Variants in ZNF407 observed in about 807,000 individuals in gnomAD.
ZNF407 encodes the protein zinc finger protein 407.
ZNF407 carries 17 observed loss-of-function variants against 131.2 expected under a neutral mutation model. The ratio of observed to expected loss-of-function variants is 0.13; its 90% CI spans 0.09 to 0.19. ZNF407 has a LOEUF of 0.19. Among genes scored for constraint, ZNF407 ranks in the 10% least tolerant of loss-of-function variants. The pLI, the probability that ZNF407 is intolerant of heterozygous loss-of-function variation, is 1.00. For missense variants in ZNF407, 2,681 were observed against 2,830.6 expected (o/e 0.95, Z 1.20); for synonymous variants, 1,156 against 1,062.0 (o/e 1.09, Z -1.72).
intron 8 of ZNF407, among the ~76,000 whole-genome samples, chr18:74,961,746 C>T (rs1972348118): frequency 6.6e-6 from 1 of 151,862 alleles, no homozygotes; most frequent in African/African-American, 2.4e-5. Flanking sequence ...TGCAAAGTGC[C>T]CAGATAATTG....
chr18:75,061,596 G>C (rs1396662402), intron 8 of ZNF407: 1 of 152,348 alleles, frequency 6.6e-6, no homozygotes, highest in Non-Finnish European at 1.5e-5. Context: ...ATAGATGACA[G>C]CCGAAGCCCC....
chr18:74,694,444 T>C (rs1332140203), intron 3 of ZNF407, among the ~76,000 whole-genome samples: 1 of 151,478 alleles, frequency 6.6e-6, no homozygotes, highest in Non-Finnish European at 1.5e-5. Flanking sequence ...TCTTCTTTTT[T>C]TCTTTTTCCT....
In ZNF407 at chr18:74,650,563, G is replaced by A. The variant is rs557078907; in HGVS notation, c.4802+9441G>A. Among the ~76,000 whole-genome samples the A allele has an allele frequency of 2.6e-5, 4 of 152,218 alleles. No homozygotes were observed. In the East Asian group the frequency reaches 7.7e-4, roughly 29 times the overall value. ...GTTAGTCACTCTTTCTAGGTAGTTT[G>A]GTTGACAGGGGTCTGCACTTGGTCA... On this transcript the variant is annotated intron_variant, in intron 3 of 8. Coordinates refer to ENST00000299687, the MANE Select transcript of ZNF407 (RefSeq NM_017757.3).
intron 3 of ZNF407, among the ~76,000 whole-genome samples, chr18:74,697,107 A>G (rs960132970): frequency 6.6e-6 from 1 of 152,170 alleles, no homozygotes; most frequent in Non-Finnish European, 1.5e-5. Context: ...TCAGTGTAGC[A>G]CTTACTGTAA....
intron 8 of ZNF407, among the ~76,000 whole-genome samples, chr18:74,955,244 C>T (rs1018979451): frequency 6.6e-6 from 1 of 151,898 alleles, no homozygotes; most frequent in Non-Finnish European, 1.5e-5. Context: ...TTTACACAGG[C>T]ACATCTCGGG....
chr18:74,973,555 T>G (rs940555866), intron 8 of ZNF407, among the ~76,000 whole-genome samples: 2 of 152,188 alleles, frequency 1.3e-5, no homozygotes, highest in Non-Finnish European at 2.9e-5. Context: ...ACATCTCCAG[T>G]TTTATAATTA....
intron 8 of ZNF407, among the ~76,000 whole-genome samples, chr18:74,962,606 A>C (rs1369670328): frequency 1.3e-5 from 2 of 152,164 alleles, no homozygotes; most frequent in Non-Finnish European, 2.9e-5. Context: ...CTACGGGTAT[A>C]CGCCAAATAT....
intron 3 of ZNF407, among the ~76,000 whole-genome samples, chr18:74,750,302 A>G (rs1282076890): frequency 1.3e-5 from 2 of 152,182 alleles, no homozygotes; most frequent in Non-Finnish European, 2.9e-5. Flanking sequence ...TTTGTCGCTC[A>G]TTTTACTGAT....
rs548759058 is a variant in ZNF407 at position 74,957,400 on chromosome 18, ACGG to A, written c.5428+36709_5428+36711del. Among the ~76,000 whole-genome samples, 8 of 151,930 alleles carry A rather than the reference ACGG, an allele frequency of 5.3e-5. No homozygotes were observed. The South Asian group carries it at 1.5e-3, about 28-fold the overall frequency. On this transcript the variant is annotated intron_variant, in intron 8 of 8. Transcript: ENST00000299687. ...TTGCATTTTTTAATTACGTTAACTT[ACGG>A]GGTTTTTTGGAATAATTCACTCTCT... is the stretch of plus-strand genomic sequence containing the variant.
intron 3 of ZNF407, among the ~76,000 whole-genome samples, chr18:74,746,314 C>G (rs1599118423): frequency 6.6e-6 from 1 of 152,124 alleles, no homozygotes; most frequent in African/African-American, 2.4e-5. Flanking sequence ...TTACTGTACA[C>G]TACTGTAGAT....
intron 4 of ZNF407, among the ~76,000 whole-genome samples, chr18:74,792,990 G>A (rs1419040095): frequency 6.6e-6 from 1 of 152,120 alleles, no homozygotes; most frequent in Non-Finnish European, 1.5e-5. Flanking sequence ...ATTGACTTTT[G>A]TAGATTTAAC....
chr18:74,853,555 T>C (rs1970818819), intron 4 of ZNF407, among the ~76,000 whole-genome samples: 1 of 152,184 alleles, frequency 6.6e-6, no homozygotes, highest in Non-Finnish European at 1.5e-5. Context: ...TTTCATAAAG[T>C]TTTAAAGAAT....
At chr18:74,624,830 C>A (rs556580677) in intron 1 of ZNF407, among the ~76,000 whole-genome samples, 1 of 152,208 alleles carries the variant, frequency 6.6e-6, no homozygotes, top group South Asian at 2.1e-4. Flanking sequence ...TCCTACTTGC[C>A]CCCTCAACAA....
intron 8 of ZNF407, among the ~76,000 whole-genome samples, chr18:74,997,283 C>A (rs1489871519): frequency 6.6e-6 from 1 of 152,032 alleles, no homozygotes; most frequent in Non-Finnish European, 1.5e-5. Context: ...TACACGAATC[C>A]CATCAACTCA....
intron 8 of ZNF407, among the ~76,000 whole-genome samples, chr18:74,989,531 G>A (rs1188154184): frequency 6.6e-6 from 1 of 152,200 alleles, no homozygotes; most frequent in South Asian, 2.1e-4. Context: ...TATGAACTTA[G>A]CATTTTAGAT....
At chr18:74,682,018 C>T (rs1966994723) in intron 3 of ZNF407, among the ~76,000 whole-genome samples, 1 of 152,184 alleles carries the variant, frequency 6.6e-6, no homozygotes, top group Non-Finnish European at 1.5e-5. Context: ...TATATTGCCA[C>T]ATCTACCAAG....
rs77896703 is a variant in ZNF407 at position 74,715,240 on chromosome 18, C to T, written c.4803-66188C>T. Among the ~76,000 whole-genome samples, 7 of 152,330 alleles carry T rather than the reference C, an allele frequency of 4.6e-5. No homozygotes were observed. In the East Asian group the frequency reaches 1.3e-3, roughly 29 times the overall value. ...GTTCTCTGAAGACTTTCTGATCTCT[C>T]AGCAGTCCACGGTAACTTGTGCTTC... On this transcript the variant is annotated intron_variant, in intron 3 of 8. Transcript: ENST00000299687.
chr18:74,796,146 A>C (rs893876696), intron 4 of ZNF407, among the ~76,000 whole-genome samples: 4 of 152,240 alleles, frequency 2.6e-5, no homozygotes, highest in Admixed American at 2.6e-4. Context: ...TAATTTTATC[A>C]TGGTGACTTG....
rs981897966 is a variant in ZNF407, at chr18:74,863,532, T to C, written c.4878-13665T>C. Among the ~76,000 whole-genome samples the C allele has an allele frequency of 2.0e-5, 3 of 152,092 alleles. No homozygotes were observed. The South Asian group carries it at 6.2e-4, about 31-fold the overall frequency. Reference sequence around the variant, plus strand: ...ATTCCAGTGGAATGTTTTGTCCTTATCTTTTGGTTATTTATACACCATAAG... The same window carrying C: ...ATTCCAGTGGAATGTTTTGTCCTTACCTTTTGGTTATTTATACACCATAAG... On this transcript the variant is annotated intron_variant, in intron 4 of 8. Transcript: ENST00000299687.
Sources: gnomAD v4.1 joint callset for allele counts (sites outside exome capture counted in the v4.1 genomes callset) on GRCh38, gnomAD v4.1.1 for gene constraint, MANE v1.5 for transcripts, NCBI Gene and HGNC (gene_info 2026-07-23, HGNC 2026-07-21) for gene names.